The following CCDC93 variants were observed in gnomAD, a reference collection of about 807,000 sequenced individuals.
The protein encoded by CCDC93 is coiled-coil domain-containing protein 93.
In CCDC93, 61 loss-of-function variants were observed where a neutral mutation model predicts 108.2. That is an observed-to-expected ratio of 0.56 (90% CI 0.46 to 0.70). The LOEUF is 0.70. Ranked by LOEUF, CCDC93 falls within the 30% of genes least tolerant of loss-of-function variation. The pLI is 0.00. For synonymous variants in CCDC93, 276 were observed against 260.4 expected (o/e 1.06, Z -0.58); for missense variants, 685 against 764.2 (o/e 0.90, Z 1.22).
At position 117,935,595 on chromosome 2, in the gene CCDC93, G is replaced by A. The variant is rs1456113682; in HGVS notation, c.1644-16C>T. The A allele has an allele frequency of 6.3e-7, 1 of 1,592,262 alleles. No homozygotes were observed. The highest frequency in any genetic ancestry group is 8.6e-7 in the Non-Finnish European group (1 of 1,160,268). ...GGCCATGGCCCTGAAAGAAAAACCA[G>A]TAGAGTTATGACCGGCACACAGGAC... On this transcript the variant is annotated splice_polypyrimidine_tract_variant and intron_variant, in intron 21 of 23. Coordinates refer to ENST00000376300, the MANE Select transcript of CCDC93 (RefSeq NM_019044.5).
chr2:117,936,813 C>CAG, intron 20 of CCDC93, 74 bp from the exon 21 acceptor site: 1 of 1,155,096 alleles, frequency 8.7e-7, no homozygotes, highest in Non-Finnish European at 1.3e-6. Context: ...CTGCTGCAAG[C>CAG]TTGCCTGTCT....
chr2:118,005,480 T>C (rs11680611), intron 3 of CCDC93, among the ~76,000 whole-genome samples: 86,346 of 152,066 alleles, frequency 0.57, 25,362 homozygotes, highest in East Asian at 0.88. Context: ...TTAAGAAGCA[T>C]AGGCCAGGTG....
Position 117,944,489 on chromosome 2 carries a change from T to C in CCDC93, c.1351-403A>G, listed in dbSNP as rs1463134424. Among the ~76,000 whole-genome samples, 3 of 152,162 alleles carry C rather than the reference T, an allele frequency of 2.0e-5. No individual in the cohort carries two copies. In the East Asian group the frequency reaches 5.8e-4, roughly 29 times the overall value. The stretch of plus-strand genomic sequence containing the variant: ...CTGTGTTATCCAATGTGATAGCCAC[T>C]AGCCACAGCAGACAGTGCGGAACAG... On this transcript the variant is annotated intron_variant, in intron 17 of 23. Coordinates refer to ENST00000376300, the MANE Select transcript of CCDC93 (RefSeq NM_019044.5).
chr2:117,964,112 C>T (rs1189100612), intron 11 of CCDC93, among the ~76,000 whole-genome samples: 3 of 152,164 alleles, frequency 2.0e-5, no homozygotes, highest in African/African-American at 7.2e-5. Context: ...GTTCCTTACT[C>T]TCTTAACTCT....
intron 1 of CCDC93, among the ~76,000 whole-genome samples, chr2:118,013,496 T>C (rs925334800): frequency 6.6e-6 from 1 of 152,074 alleles, no homozygotes; most frequent in African/African-American, 2.4e-5. Flanking sequence ...GCCGGGACTC[T>C]GCGGGGTGGC....
chr2:117,950,229 C>A, intron 13 of CCDC93: 2 of 985,358 alleles, frequency 2.0e-6, no homozygotes, highest in Non-Finnish European at 2.4e-6. Context: ...AACCAAGGAT[C>A]ATCAAAGAGC....
chr2:117,971,305 G>A (rs2104776568), intron 11 of CCDC93, among the ~76,000 whole-genome samples: 1 of 152,352 alleles, frequency 6.6e-6, no homozygotes, highest in South Asian at 2.1e-4. Context: ...CAAGGCTAAA[G>A]TGAGCTGAGA....
intron 3 of CCDC93, among the ~76,000 whole-genome samples, chr2:118,006,005 AC>A (rs1676856510): frequency 6.6e-6 from 1 of 151,992 alleles, no homozygotes; most frequent in South Asian, 2.1e-4. Context: ...TGGCAGTCTT[AC>A]CCCAACTCTG....
intron 11 of CCDC93, among the ~76,000 whole-genome samples, chr2:117,969,051 T>G (rs987131005): frequency 7.2e-5 from 11 of 152,240 alleles, no homozygotes; most frequent in African/African-American, 2.7e-4. Flanking sequence ...CCTGCCTTTG[T>G]GTAACCCCTT....
At chr2:117,990,022 A>ATACAAAAGTCTAAAC (rs1680429455) in intron 6 of CCDC93, among the ~76,000 whole-genome samples, 1 of 152,166 alleles carries the variant, frequency 6.6e-6, no homozygotes, top group Admixed American at 6.5e-5. Context: ...CTCTATTCTC[A>ATACAAAAGTCTAAAC]TACAAAAGTC....
chr2:118,000,669 G>A (rs1338020287), intron 4 of CCDC93, 152 bp downstream of exon 4: 4 of 581,966 alleles, frequency 6.9e-6, no homozygotes, highest in Admixed American at 6.0e-5. Context: ...TGAAGATGAC[G>A]ACAACGAACA....
intron 19 of CCDC93, among the ~76,000 whole-genome samples, chr2:117,940,564 A>G (rs1573472728): frequency 6.6e-6 from 1 of 152,338 alleles, no homozygotes; most frequent in Non-Finnish European, 1.5e-5. Flanking sequence ...GTTCCTGAAG[A>G]TTTGTTAGCA....
chr2:117,974,614 C>G (rs752436641), intron 10 of CCDC93, among the ~76,000 whole-genome samples: 3 of 152,152 alleles, frequency 2.0e-5, no homozygotes, highest in Non-Finnish European at 4.4e-5. Flanking sequence ...CTGTGAACCT[C>G]CCAGCAGGAA....
intron 3 of CCDC93, among the ~76,000 whole-genome samples, chr2:118,003,474 A>G (rs531611270): frequency 6.6e-6 from 1 of 152,344 alleles, no homozygotes; most frequent in Admixed American, 6.5e-5. Context: ...CACGTGATCA[A>G]TACAGCCTTT....
At chr2:117,937,454 T>C (rs2104723983) in intron 20 of CCDC93, among the ~76,000 whole-genome samples, 1 of 152,340 alleles carries the variant, frequency 6.6e-6, no homozygotes, top group East Asian at 1.9e-4. Flanking sequence ...ATATTTCTTG[T>C]CCTTAGTACT....
intron 20 of CCDC93, among the ~76,000 whole-genome samples, chr2:117,937,689 T>C (rs1457946578): frequency 6.6e-6 from 1 of 152,204 alleles, no homozygotes; most frequent in Admixed American, 6.5e-5. Flanking sequence ...GGCTGGCCTA[T>C]CCCTAAGTCA....
chr2:117,950,699 C>G, intron 13 of CCDC93: 1 of 985,458 alleles, frequency 1.0e-6, no homozygotes, highest in Non-Finnish European at 1.2e-6. Flanking sequence ...AGGTGAAAAA[C>G]ATTAATTACG....
intron 23 of CCDC93, chr2:117,921,641 C>T (rs1677875261): frequency 6.6e-6 from 1 of 152,204 alleles, no homozygotes; most frequent in Admixed American, 6.5e-5. Context: ...CTCAAAACCC[C>T]CACGGTCAAT....
intron 11 of CCDC93, among the ~76,000 whole-genome samples, chr2:117,967,210 C>G (rs546524947): frequency 3.3e-5 from 5 of 152,336 alleles, no homozygotes; most frequent in African/African-American, 1.2e-4. Flanking sequence ...CCAGGCTGGT[C>G]TCAAACTCCT....
Sources: gnomAD v4.1 joint callset for allele counts (sites outside exome capture counted in the v4.1 genomes callset) on GRCh38, gnomAD v4.1.1 for gene constraint, MANE v1.5 for transcripts, NCBI Gene and HGNC (gene_info 2026-07-23, HGNC 2026-07-21) for gene names.